The following DPYD variants were observed in gnomAD, a reference collection of about 807,000 sequenced individuals.
DPYD encodes dihydropyrimidine dehydrogenase [NADP(+)].
A neutral mutation model predicts 116.2 loss-of-function variants in DPYD; 109 were observed. The ratio of observed to expected loss-of-function variants is 0.94; its 90% CI spans 0.80 to 1.10. The LOEUF (loss-of-function observed/expected upper bound fraction) is 1.10, where lower values mean the gene tolerates loss of function less well. DPYD is among the 50% of genes least tolerant of loss of function. The pLI is 0.00. For missense variants in DPYD, 1,302 were observed against 1,254.5 expected, an observed-to-expected ratio of 1.04 and a Z score of -0.57; for synonymous variants, 440 against 432.0, an observed-to-expected ratio of 1.02 and a Z score of -0.23.
intron 13 of DPYD, 129 bp downstream of exon 13, chr1:97,515,597 G>A (rs886293142): frequency 4.9e-6 from 4 of 811,528 alleles, no homozygotes; most frequent in Non-Finnish European, 3.9e-6. Context: ...AGATTAATGT[G>A]TAATGATAGG....
At chr1:97,231,535 T>A (rs1179794297) in intron 19 of DPYD, among the ~76,000 whole-genome samples, 1 of 152,058 alleles carries the variant, frequency 6.6e-6, no homozygotes, top group South Asian at 2.1e-4. Flanking sequence ...AACCACCAGA[T>A]CTAGTGAGAC....
chr1:97,166,795 GT>G, intron 20 of DPYD, among the ~76,000 whole-genome samples: 1 of 152,152 alleles, frequency 6.6e-6, no homozygotes, highest in East Asian at 1.9e-4. Context: ...TATATTTTAT[GT>G]TATGAGTTCT....
intron 18 of DPYD, among the ~76,000 whole-genome samples, chr1:97,273,006 C>T (rs1286983150): frequency 1.3e-5 from 2 of 151,976 alleles, no homozygotes; most frequent in African/African-American, 2.4e-5. Context: ...AACTTTCAAC[C>T]CTAAAGTTGC....
intron 21 of DPYD, among the ~76,000 whole-genome samples, chr1:97,084,567 T>C (rs1456703510): frequency 1.3e-5 from 2 of 152,124 alleles, no homozygotes; most frequent in Non-Finnish European, 2.9e-5. Context: ...TTTGAGTTCT[T>C]AATATATTTC....
intron 16 of DPYD, among the ~76,000 whole-genome samples, chr1:97,370,322 A>G (rs1019019039): frequency 2.0e-5 from 3 of 152,190 alleles, no homozygotes; most frequent in Admixed American, 2.0e-4. Context: ...AGGAACAGAA[A>G]ACAAAACACC....
intron 13 of DPYD, among the ~76,000 whole-genome samples, chr1:97,505,443 G>T (rs1462995772): frequency 1.4e-5 from 2 of 146,742 alleles, no homozygotes; most frequent in Middle Eastern, 7.1e-3. Flanking sequence ...CAAATGTGAA[G>T]AAAATAAAAA....
intron 18 of DPYD, among the ~76,000 whole-genome samples, chr1:97,280,975 A>G (rs1665286595): frequency 6.6e-6 from 1 of 152,186 alleles, no homozygotes; most frequent in African/African-American, 2.4e-5. Context: ...GTATTCGTGC[A>G]CTGGAACATC....
chr1:97,119,067 A>T (rs189668538), intron 20 of DPYD, among the ~76,000 whole-genome samples: 221 of 152,310 alleles, frequency 1.5e-3, no homozygotes, highest in Admixed American at 3.9e-3. Flanking sequence ...TTGAACAACA[A>T]GCATTCATTA....
intron 10 of DPYD, among the ~76,000 whole-genome samples, chr1:97,592,017 A>G (rs1216589700): frequency 6.6e-6 from 1 of 152,196 alleles, no homozygotes; most frequent in Non-Finnish European, 1.5e-5. Context: ...TCAGCCATGA[A>G]CCAATGGTGA....
intron 13 of DPYD, among the ~76,000 whole-genome samples, chr1:97,451,047 T>C (rs978331101): frequency 2.6e-5 from 4 of 152,144 alleles, no homozygotes; most frequent in Admixed American, 1.3e-4. Flanking sequence ...TAGTTAAGGA[T>C]TTATCAGAAT....
At chr1:97,862,241 T>A (rs1003517350) in intron 2 of DPYD, among the ~76,000 whole-genome samples, 21 of 151,868 alleles carry the variant, frequency 1.4e-4, no homozygotes, top group African/African-American at 5.1e-4. Context: ...TAAAAGCATT[T>A]AACACTTGAT....
intron 20 of DPYD, among the ~76,000 whole-genome samples, chr1:97,181,919 T>A (rs745470816): frequency 8.0e-4 from 122 of 152,304 alleles, no homozygotes; most frequent in Non-Finnish European, 1.5e-3. Flanking sequence ...TGTACATATA[T>A]GATTTCTAAT....
intron 8 of DPYD, among the ~76,000 whole-genome samples, chr1:97,618,171 G>A (rs756555397): frequency 6.6e-5 from 10 of 152,074 alleles, no homozygotes; most frequent in Non-Finnish European, 1.5e-4. Context: ...CTTTGCCTTA[G>A]TACTGTTCTA....
chr1:97,503,006 C>G (rs550817327), intron 13 of DPYD, among the ~76,000 whole-genome samples: 60 of 152,030 alleles, frequency 3.9e-4, no homozygotes, highest in African/African-American at 1.4e-3. Flanking sequence ...ACACTTTTCT[C>G]AAAACAAAGG....
At chr1:97,554,625 C>A (rs1184639760) in intron 11 of DPYD, among the ~76,000 whole-genome samples, 1 of 152,056 alleles carries the variant, frequency 6.6e-6, no homozygotes, top group Non-Finnish European at 1.5e-5. Flanking sequence ...AAAATAAATT[C>A]TAATTACAAG....
intron 13 of DPYD, among the ~76,000 whole-genome samples, chr1:97,509,975 T>G (rs1374004879): frequency 6.6e-6 from 1 of 151,878 alleles, no homozygotes; most frequent in Non-Finnish European, 1.5e-5. Flanking sequence ...CACCATGAGT[T>G]AGGATTAAAA....
rs150357561 is a variant in DPYD at position 97,233,498 on chromosome 1, C to T, written c.2442+1354G>A. ...TGGTGAGGGTGGACGTCTAAGATCC[C>T]TACTTGTCCTTTGCTTGCATGGATG... On this transcript the variant is annotated intron_variant, in intron 19 of 22. Coordinates refer to ENST00000370192, the MANE Select transcript of DPYD (RefSeq NM_000110.4). Among the ~76,000 whole-genome samples, 1,052 of 152,180 alleles carry T rather than the reference C, an allele frequency of 6.9e-3. 11 individuals carry two copies. The highest frequency in any genetic ancestry group is 0.024 in the African/African-American group (1,013 of 41,524).
At chr1:97,111,355 C>CTGGCT (rs1210305983) in intron 20 of DPYD, among the ~76,000 whole-genome samples, 19 of 152,110 alleles carry the variant, frequency 1.2e-4, no homozygotes, top group Non-Finnish European at 2.5e-4. Flanking sequence ...GTAGGTTTAT[C>CTGGCT]TGGCCCCTGC....
chr1:97,632,814 A>G (rs1657349053), intron 8 of DPYD, among the ~76,000 whole-genome samples: 1 of 152,160 alleles, frequency 6.6e-6, no homozygotes, highest in Non-Finnish European at 1.5e-5. Flanking sequence ...TCAGATAAAA[A>G]GACTAAAAGA....
Sources: gnomAD v4.1 joint callset for allele counts (sites outside exome capture counted in the v4.1 genomes callset) on GRCh38, gnomAD v4.1.1 for gene constraint, MANE v1.5 for transcripts, NCBI Gene and HGNC (gene_info 2026-07-23, HGNC 2026-07-21) for gene names.